PTPRR: variants seen among roughly 807,000 people sequenced by gnomAD.
PTPRR encodes the protein receptor-type tyrosine-protein phosphatase R.
A neutral mutation model predicts 77.2 loss-of-function variants in PTPRR; 38 were observed. That is an observed-to-expected ratio of 0.49 (90% CI 0.38 to 0.65). The LOEUF is 0.65. PTPRR is among the 30% of genes least tolerant of loss of function. The pLI, the probability that PTPRR is intolerant of heterozygous loss-of-function variation, is 0.00. For missense variants in PTPRR, 744 were observed against 799.2 expected, an observed-to-expected ratio of 0.93 and a Z score of 0.83; for synonymous variants, 299 against 283.1, an observed-to-expected ratio of 1.06 and a Z score of -0.57.
chr12:70,770,832 T>A (rs56348614), intron 2 of PTPRR, among the ~76,000 whole-genome samples: 5 of 151,862 alleles, frequency 3.3e-5, no homozygotes, highest in African/African-American at 1.2e-4. Context: ...CCATAAAAAA[T>A]GATGAGTTCA....
At chr12:70,720,818 C>T (rs1193457075) in intron 6 of PTPRR, among the ~76,000 whole-genome samples, 1 of 152,056 alleles carries the variant, frequency 6.6e-6, no homozygotes, top group African/African-American at 2.4e-5. Context: ...CCACTAGGCC[C>T]TAGGATATTA....
intron 1 of PTPRR, among the ~76,000 whole-genome samples, chr12:70,917,032 G>A (rs918675605): frequency 2.6e-5 from 4 of 152,100 alleles, no homozygotes; most frequent in African/African-American, 9.7e-5. Context: ...GTACTCTTTT[G>A]CAACTAAAAT....
intron 8 of PTPRR, 40 bp downstream of exon 8, chr12:70,698,225 G>GC (rs773704597): frequency 1.5e-5 from 23 of 1,547,574 alleles, no homozygotes; most frequent in East Asian, 2.3e-5. Flanking sequence ...CCCTCCCCTT[G>GC]CCCCCCATAC....
chr12:70,701,380 A>C, intron 6 of PTPRR, 57 bp from the exon 7 acceptor site: 1 of 1,526,564 alleles, frequency 6.6e-7, no homozygotes, highest in Non-Finnish European at 9.0e-7. Context: ...GATTGCAAAA[A>C]CTTGTCTTTC....
intron 2 of PTPRR, among the ~76,000 whole-genome samples, chr12:70,768,903 A>G (rs1890897606): frequency 6.6e-6 from 1 of 151,656 alleles, no homozygotes; most frequent in African/African-American, 2.4e-5. Flanking sequence ...AGCCAAAGAC[A>G]AAAACCACAT....
intron 5 of PTPRR, among the ~76,000 whole-genome samples, chr12:70,747,113 A>T (rs1890237597): frequency 6.6e-6 from 1 of 152,144 alleles, no homozygotes; most frequent in Non-Finnish European, 1.5e-5. Flanking sequence ...AAGCTATAGG[A>T]TGGAAAAGAC....
intron 2 of PTPRR, among the ~76,000 whole-genome samples, chr12:70,842,196 C>G (rs1005379077): frequency 6.6e-6 from 1 of 152,114 alleles, no homozygotes; most frequent in African/African-American, 2.4e-5. Context: ...CCCTATAATT[C>G]TCTGTAAGCA....
intron 2 of PTPRR, among the ~76,000 whole-genome samples, chr12:70,877,401 G>C (rs1032323661): frequency 6.6e-6 from 1 of 152,128 alleles, no homozygotes; most frequent in African/African-American, 2.4e-5. Flanking sequence ...CATGATAACT[G>C]ACATAATTAC....
intron 5 of PTPRR, among the ~76,000 whole-genome samples, chr12:70,748,671 G>A (rs911103280): frequency 2.6e-5 from 4 of 152,100 alleles, no homozygotes; most frequent in South Asian, 2.1e-4. Context: ...AAAAAAATTC[G>A]ATGAAGCTTT....
intron 2 of PTPRR, among the ~76,000 whole-genome samples, chr12:70,853,821 A>G (rs543935944): frequency 4.6e-5 from 7 of 152,324 alleles, no homozygotes; most frequent in African/African-American, 1.7e-4. Flanking sequence ...GTTTGTGAAA[A>G]AACTTACTAT....
At chr12:70,718,393 G>A (rs1889115324) in intron 6 of PTPRR, among the ~76,000 whole-genome samples, 1 of 152,224 alleles carries the variant, frequency 6.6e-6, no homozygotes, top group African/African-American at 2.4e-5. Context: ...AGCCTCCCGA[G>A]TAGCTGGGAT....
intron 2 of PTPRR, among the ~76,000 whole-genome samples, chr12:70,786,011 C>G (rs1198631222): frequency 6.6e-6 from 1 of 152,178 alleles, no homozygotes; most frequent in African/African-American, 2.4e-5. Flanking sequence ...TTCAGTATTT[C>G]TCATGCTGAT....
At chr12:70,806,370 G>A (rs757834083) in intron 2 of PTPRR, among the ~76,000 whole-genome samples, 2 of 152,144 alleles carry the variant, frequency 1.3e-5, no homozygotes, top group Non-Finnish European at 2.9e-5. Context: ...GATAAGATAC[G>A]CAGTTTGACC....
intron 2 of PTPRR, among the ~76,000 whole-genome samples, chr12:70,881,988 C>T (rs1053334568): frequency 2.0e-5 from 3 of 152,084 alleles, no homozygotes; most frequent in Non-Finnish European, 4.4e-5. Flanking sequence ...TATTGTGACA[C>T]TATTGTGACA....
chr12:70,850,255 G>A lies in PTPRR; in HGVS notation c.357+42424C>T, dbSNP rs866426140. Among the ~76,000 whole-genome samples the A allele has an allele frequency of 4.0e-5, 6 of 151,854 alleles. No individual in the cohort carries two copies. In the East Asian group the frequency reaches 5.8e-4, roughly 15 times the overall value. The stretch of plus-strand genomic sequence containing the variant: ...CGGGCGCCTATAGTCCTAGCTACTC[G>A]GGAGGCTGAGGGAGAATTGCTTGAA... On this transcript the variant is annotated intron_variant, in intron 2 of 13. Transcript: ENST00000283228.
intron 6 of PTPRR, among the ~76,000 whole-genome samples, chr12:70,707,839 T>C (rs1398259565): frequency 2.6e-5 from 4 of 152,074 alleles, no homozygotes; most frequent in Admixed American, 2.6e-4. Flanking sequence ...CCTAGTTCAG[T>C]AGATTTTTTC....
chr12:70,725,586 G>T (rs554896143), intron 6 of PTPRR, among the ~76,000 whole-genome samples: 1 of 152,068 alleles, frequency 6.6e-6, no homozygotes, highest in Middle Eastern at 3.2e-3. Context: ...TTGATTTGGG[G>T]ACTGATTATT....
At chr12:70,846,172 T>C (rs1230370059) in intron 2 of PTPRR, among the ~76,000 whole-genome samples, 2 of 152,214 alleles carry the variant, frequency 1.3e-5, no homozygotes, top group African/African-American at 4.8e-5. Context: ...GATAGTGTTA[T>C]GGTTAATTAA....
chr12:70,912,892 A>G (rs1032983385), intron 1 of PTPRR, among the ~76,000 whole-genome samples: 37 of 152,156 alleles, frequency 2.4e-4, no homozygotes, highest in Non-Finnish European at 4.4e-4. Context: ...GTTGGGAAAC[A>G]TCAATGCTAC....
Sources: gnomAD v4.1 joint callset for allele counts (sites outside exome capture counted in the v4.1 genomes callset) on GRCh38, gnomAD v4.1.1 for gene constraint, MANE v1.5 for transcripts, NCBI Gene and HGNC (gene_info 2026-07-23, HGNC 2026-07-21) for gene names.